Variants in ZNF385D observed in about 807,000 individuals in gnomAD.
ZNF385D encodes the protein zinc finger protein 385D, also known as zinc finger protein 659.
In ZNF385D, 15 loss-of-function variants were observed where a neutral mutation model predicts 35.8. The observed-to-expected ratio is 0.42, with a 90% CI of 0.28 to 0.64. The LOEUF is 0.64. ZNF385D is among the 30% of genes least tolerant of loss of function. The pLI, the probability that ZNF385D is intolerant of heterozygous loss-of-function variation, is 0.23. For missense variants in ZNF385D, 474 were observed against 494.6 expected (o/e 0.96, Z 0.39); for synonymous variants, 212 against 186.8 (o/e 1.13, Z -1.10).
intron 2 of ZNF385D, among the ~76,000 whole-genome samples, chr3:22,273,198 G>C (rs1223503786): frequency 6.6e-6 from 1 of 151,984 alleles, no homozygotes; most frequent in Non-Finnish European, 1.5e-5. Flanking sequence ...ACTGGAATTA[G>C]ATCCAAGTTT....
At chr3:22,317,280 C>CAAAAAA (rs59675675) in intron 2 of ZNF385D, among the ~76,000 whole-genome samples, 7 of 26,096 alleles carry the variant, frequency 2.7e-4, no homozygotes, top group East Asian at 9.4e-4. Flanking sequence ...ACTCCATCTC[C>CAAAAAA]AAAAAAAAAA....
intron 3 of ZNF385D, among the ~76,000 whole-genome samples, chr3:22,040,672 G>T (rs937330460): frequency 1.8e-4 from 27 of 152,138 alleles, no homozygotes; most frequent in Non-Finnish European, 2.2e-4. Context: ...TTAGACTTCA[G>T]GAGACTTGGC....
At chr3:21,767,137 G>T (rs1350494111) in intron 3 of ZNF385D, among the ~76,000 whole-genome samples, 2 of 146,812 alleles carry the variant, frequency 1.4e-5, no homozygotes, top group African/African-American at 5.1e-5. Flanking sequence ...ACAGAATTTG[G>T]TAGCAAATAT....
At chr3:21,677,344 G>A (rs1683188558) in intron 1 of ZNF385D, among the ~76,000 whole-genome samples, 1 of 151,998 alleles carries the variant, frequency 6.6e-6, no homozygotes. Context: ...TCACCCTCTT[G>A]TGAATTGCAG....
chr3:21,826,740 C>G (rs952264757), intron 3 of ZNF385D, among the ~76,000 whole-genome samples: 5 of 150,210 alleles, frequency 3.3e-5, no homozygotes, highest in Admixed American at 6.7e-5. Context: ...CATTAAATGA[C>G]AGCAGAAGGA....
chr3:21,468,776 T>C (rs577223997), intron 4 of ZNF385D, among the ~76,000 whole-genome samples: 21 of 151,868 alleles, frequency 1.4e-4, no homozygotes, highest in African/African-American at 5.1e-4. Flanking sequence ...TACAAAAAAT[T>C]AGCCGGGCGT....
chr3:22,189,036 G>A (rs1695839750), intron 2 of ZNF385D, among the ~76,000 whole-genome samples: 1 of 142,932 alleles, frequency 7.0e-6, no homozygotes, highest in Non-Finnish European at 1.6e-5. Context: ...AGAAAAACCA[G>A]CATTTTTTTT....
At chr3:22,099,858 T>A (rs910684398) in intron 3 of ZNF385D, among the ~76,000 whole-genome samples, 1 of 151,924 alleles carries the variant, frequency 6.6e-6, no homozygotes, top group Admixed American at 6.6e-5. Context: ...TGGAGCCTGG[T>A]TGTAGAATGT....
chr3:21,551,485 C>T (rs1371713796), intron 3 of ZNF385D, among the ~76,000 whole-genome samples: 1 of 152,144 alleles, frequency 6.6e-6, no homozygotes, highest in African/African-American at 2.4e-5. Flanking sequence ...TCTTATATAT[C>T]CTTAGTTTGG....
chr3:21,797,760 T>A (rs565964199), intron 3 of ZNF385D, among the ~76,000 whole-genome samples: 2 of 152,174 alleles, frequency 1.3e-5, no homozygotes, highest in South Asian at 4.1e-4. Flanking sequence ...AGAGGCCCCA[T>A]GCTATATGAT....
chr3:21,832,638 A>T (rs1481205432), intron 3 of ZNF385D, among the ~76,000 whole-genome samples: 1 of 152,146 alleles, frequency 6.6e-6, no homozygotes, highest in Non-Finnish European at 1.5e-5. Flanking sequence ...TCAACTTCAC[A>T]TTCTTGGATC....
At chr3:22,304,137 T>G (rs1033683647) in intron 2 of ZNF385D, among the ~76,000 whole-genome samples, 1 of 152,196 alleles carries the variant, frequency 6.6e-6, no homozygotes, top group African/African-American at 2.4e-5. Context: ...CTGGCTTAGG[T>G]CTATTGCATA....
In ZNF385D at chr3:21,980,944, C is replaced by T. The variant is rs1022544965; in HGVS notation, c.325+187873G>A. On this transcript the variant is annotated intron_variant, in intron 3 of 5. Transcript: ENST00000494108. ...AGCATTCCATGGTATATATGTACCA[C>T]ATTTTCTTTATCCAATCTGTCTTTA... Among the ~76,000 whole-genome samples, 31 of 152,154 alleles carry T rather than the reference C, an allele frequency of 2.0e-4. 1 individual carries two copies. The highest frequency in any genetic ancestry group is 2.0e-3 in the Admixed American group (31 of 15,256).
chr3:22,001,340 A>T (rs1315076482), intron 3 of ZNF385D, among the ~76,000 whole-genome samples: 1 of 151,946 alleles, frequency 6.6e-6, no homozygotes, highest in African/African-American at 2.4e-5. Flanking sequence ...AGGAGATACT[A>T]GTATCAGATA....
intron 1 of ZNF385D, among the ~76,000 whole-genome samples, chr3:21,684,398 CTCTCTCCTCTCTCT>C (rs1559516712): frequency 0.013 from 1,054 of 82,496 alleles, 22 homozygotes; most frequent in African/African-American, 0.06. Flanking sequence ...CTCTCTCTCT[CTCTCTCCTCTCTCT>C]CTCTCTCTCT....
intron 3 of ZNF385D, among the ~76,000 whole-genome samples, chr3:22,165,319 T>C (rs1047598598): frequency 2.6e-5 from 4 of 152,112 alleles, no homozygotes; most frequent in African/African-American, 4.8e-5. Flanking sequence ...TCTTTAAAAA[T>C]AGTCTATTAA....
intron 6 of ZNF385D, among the ~76,000 whole-genome samples, chr3:21,425,122 C>T (rs1180571387): frequency 3.3e-5 from 5 of 152,102 alleles, no homozygotes; most frequent in Admixed American, 1.3e-4. Flanking sequence ...CAAATTAAAA[C>T]GGAATACTGC....
At chr3:21,778,436 T>C (rs2071373312) in intron 3 of ZNF385D, among the ~76,000 whole-genome samples, 1 of 151,830 alleles carries the variant, frequency 6.6e-6, no homozygotes, top group African/African-American at 2.4e-5. Flanking sequence ...ATAAGGCAAG[T>C]CCCATTTCCT....
At chr3:21,834,214 T>C (rs1695183429) in intron 3 of ZNF385D, among the ~76,000 whole-genome samples, 1 of 152,248 alleles carries the variant, frequency 6.6e-6, no homozygotes, top group East Asian at 1.9e-4. Flanking sequence ...TTTTCTGAAG[T>C]ATCCTAGTTA....
Sources: gnomAD v4.1 joint callset for allele counts (sites outside exome capture counted in the v4.1 genomes callset) on GRCh38, gnomAD v4.1.1 for gene constraint, MANE v1.5 for transcripts, NCBI Gene and HGNC (gene_info 2026-07-23, HGNC 2026-07-21) for gene names.